The following CWH43 variants were observed in gnomAD, a reference collection of about 807,000 sequenced individuals.
CWH43 encodes the protein cell wall biogenesis 43 C-terminal homolog, also known as PGAP2-interacting protein.
A neutral mutation model predicts 85.7 loss-of-function variants in CWH43; 91 were observed. The ratio of observed to expected loss-of-function variants is 1.06; its 90% CI spans 0.90 to 1.26. The LOEUF (loss-of-function observed/expected upper bound fraction) is 1.26, where lower values mean the gene tolerates loss of function less well. Among genes scored for constraint, CWH43 ranks in the 50% most tolerant of loss-of-function variants. CWH43 has a pLI of 0.00. For missense variants in CWH43, 869 were observed against 839.2 expected, an observed-to-expected ratio of 1.04 and a Z score of -0.44; for synonymous variants, 323 against 293.6, an observed-to-expected ratio of 1.10 and a Z score of -1.02.
intron 14 of CWH43, among the ~76,000 whole-genome samples, chr4:49,046,679 A>C (rs2109833486): frequency 1.3e-5 from 2 of 152,192 alleles, no homozygotes; most frequent in South Asian, 4.2e-4. Flanking sequence ...CACTTCAGGC[A>C]GGGGAGGCGG....
chr4:49,039,183 G>A (rs1784359460), intron 13 of CWH43, among the ~76,000 whole-genome samples: 1 of 141,008 alleles, frequency 7.1e-6, no homozygotes, highest in African/African-American at 2.6e-5. Flanking sequence ...TAGCCAACAG[G>A]GCCCCAGCAG....
intron 15 of CWH43, among the ~76,000 whole-genome samples, chr4:49,056,761 A>G (rs1374134970): frequency 1.3e-5 from 2 of 150,360 alleles, no homozygotes; most frequent in Non-Finnish European, 3.0e-5. Flanking sequence ...TGATGTCTTT[A>G]TTTTTTCTTA....
rs1783071688 is a variant in CWH43 at position 49,003,867 on chromosome 4, C to G, written c.935C>G (p.Pro312Arg). 1 of 1,613,894 alleles carries G rather than the reference C, an allele frequency of 6.2e-7. No individual in the cohort carries two copies. Among genetic ancestry groups the G allele is most frequent in the Admixed American group, 1.7e-5 (1 of 59,960 alleles). Reference sequence around the variant, plus strand: ...CACCTTATTAACTCAGGGACAAACCCTGGGAAAACCATGACCATTGCCATG... The same window carrying G: ...CACCTTATTAACTCAGGGACAAACCGTGGGAAAACCATGACCATTGCCATG... ...LGHLINSGTNPGKTMTIAMIF... is the reference protein window; with the variant it reads ...LGHLINSGTNRGKTMTIAMIF... The change falls in exon 7 of 16, where the codon CCT becomes CGT. Residue 312 changes from proline to arginine, a missense_variant. Transcript: ENST00000226432.
chr4:49,061,492 C>A (rs1348968514), intron 15 of CWH43, among the ~76,000 whole-genome samples: 1 of 152,158 alleles, frequency 6.6e-6, no homozygotes, highest in African/African-American at 2.4e-5. Context: ...ATAAATGTAA[C>A]ATGAATAGCA....
chr4:49,019,582 T>C (rs1425726481), intron 9 of CWH43, among the ~76,000 whole-genome samples: 1 of 152,116 alleles, frequency 6.6e-6, no homozygotes, highest in African/African-American at 2.4e-5. Context: ...TCAATAGTTT[T>C]TTTTTTAATG....
At chr4:49,044,125 A>G (rs1784549594) in intron 13 of CWH43, among the ~76,000 whole-genome samples, 1 of 152,162 alleles carries the variant, frequency 6.6e-6, no homozygotes, top group Non-Finnish European at 1.5e-5. Context: ...CAGAATAAAC[A>G]CCTCATATTT....
chr4:49,050,348 G>A (rs1250631896), intron 14 of CWH43, among the ~76,000 whole-genome samples: 3 of 152,160 alleles, frequency 2.0e-5, no homozygotes, highest in Non-Finnish European at 4.4e-5. Flanking sequence ...AAGAAAGAAG[G>A]TGAACACCCC....
At chr4:48,995,339 A>G (rs1782779760) in intron 5 of CWH43, among the ~76,000 whole-genome samples, 1 of 152,188 alleles carries the variant, frequency 6.6e-6, no homozygotes, top group South Asian at 2.1e-4. Flanking sequence ...AGGGTCACAC[A>G]GGGAGTTAGT....
intron 15 of CWH43, among the ~76,000 whole-genome samples, chr4:49,058,556 A>G (rs1785039129): frequency 6.6e-6 from 1 of 152,246 alleles, no homozygotes; most frequent in South Asian, 2.1e-4. Context: ...TATTACCTTT[A>G]CAATAAGTTT....
chr4:49,054,221 A>T (rs1013694959), intron 15 of CWH43, among the ~76,000 whole-genome samples: 1 of 152,202 alleles, frequency 6.6e-6, no homozygotes, highest in Non-Finnish European at 1.5e-5. Flanking sequence ...AGTCTTCTGC[A>T]TGTGGATACC....
chr4:49,005,203 A>G (rs1282811875), intron 7 of CWH43, among the ~76,000 whole-genome samples: 5 of 152,192 alleles, frequency 3.3e-5, no homozygotes, highest in African/African-American at 2.4e-5. Context: ...GATTATTTTT[A>G]CACATTTTTA....
intron 14 of CWH43, among the ~76,000 whole-genome samples, chr4:49,046,248 GA>G (rs1350525123): frequency 2.0e-5 from 3 of 152,228 alleles, no homozygotes; most frequent in Admixed American, 1.3e-4. Context: ...AATCAGTTTT[GA>G]AGGCAGTATT....
intron 15 of CWH43, among the ~76,000 whole-genome samples, chr4:49,058,384 T>C (rs1785033964): frequency 6.6e-6 from 1 of 152,214 alleles, no homozygotes; most frequent in Non-Finnish European, 1.5e-5. Flanking sequence ...CTACATTTTA[T>C]GTTATTGATG....
intron 14 of CWH43, among the ~76,000 whole-genome samples, chr4:49,049,912 C>T (rs1409737380): frequency 1.3e-5 from 2 of 152,188 alleles, no homozygotes; most frequent in East Asian, 3.8e-4. Flanking sequence ...TGTAAACATA[C>T]ATATGTGTTT....
At chr4:49,057,496 G>C (rs190800241) in intron 15 of CWH43, among the ~76,000 whole-genome samples, 1 of 152,162 alleles carries the variant, frequency 6.6e-6, no homozygotes, top group Non-Finnish European at 1.5e-5. Flanking sequence ...TGCCCTAAGC[G>C]GTTCCCAGCT....
chr4:48,995,045 A>G (rs570617096), intron 5 of CWH43, among the ~76,000 whole-genome samples: 7 of 152,306 alleles, frequency 4.6e-5, no homozygotes, highest in Middle Eastern at 3.4e-3. Context: ...GGGAGGCCCA[A>G]TGGTTGTGCA....
rs190820746 is a variant in CWH43, at chr4:49,007,667, G to A, written c.1186+341G>A. Among the ~76,000 whole-genome samples the A allele has an allele frequency of 2.8e-5, 4 of 140,830 alleles. No individual in the cohort carries two copies. In the East Asian group the frequency reaches 6.8e-4, roughly 24 times the overall value. The allele number at this position is 140,830 out of a possible 152,430, so 92.4% of individuals were successfully genotyped here. A position where few individuals can be genotyped will look rare whatever the true frequency, so the allele number is the denominator to read the frequency against. On this transcript the variant is annotated intron_variant, in intron 8 of 15. Transcript: ENST00000226432. ...CAGGCCCCAGTGTGTGATGTTCCCC[G>A]CCCTGTGTCCGTGTGTTCTCATTGT... is the stretch of plus-strand genomic sequence containing the variant.
At chr4:49,059,819 A>G in intron 15 of CWH43, among the ~76,000 whole-genome samples, 1 of 151,922 alleles carries the variant, frequency 6.6e-6, no homozygotes, top group Non-Finnish European at 1.5e-5. Flanking sequence ...GTCTGGGTCC[A>G]TGAGAGCCAA....
At chr4:49,040,958 A>G (rs567918699) in intron 13 of CWH43, among the ~76,000 whole-genome samples, 1 of 152,204 alleles carries the variant, frequency 6.6e-6, no homozygotes, top group African/African-American at 2.4e-5. Flanking sequence ...AGCTTTCTGC[A>G]TATGGTTAGC....
Sources: allele counts gnomAD v4.1 joint callset (sites outside exome capture counted in the v4.1 genomes callset), GRCh38; gene constraint gnomAD v4.1.1; transcripts MANE v1.5; gene names NCBI Gene and HGNC (gene_info 2026-07-23, HGNC 2026-07-21).